SMYD3: variants seen among roughly 807,000 people sequenced by gnomAD.
The protein encoded by SMYD3 is histone-lysine N-methyltransferase SMYD3.
A neutral mutation model predicts 57.7 loss-of-function variants in SMYD3; 36 were observed. The ratio of observed to expected loss-of-function variants is 0.62; its 90% CI spans 0.48 to 0.82. The LOEUF is 0.82. SMYD3 is among the 40% of genes least tolerant of loss of function. The pLI is 0.00. For missense variants in SMYD3, 515 were observed against 538.8 expected, an observed-to-expected ratio of 0.96 and a Z score of 0.44; for synonymous variants, 211 against 195.0, an observed-to-expected ratio of 1.08 and a Z score of -0.68.
intron 1 of SMYD3, among the ~76,000 whole-genome samples, chr1:246,356,038 A>G (rs1395344871): frequency 1.3e-5 from 2 of 151,946 alleles, no homozygotes; most frequent in Non-Finnish European, 2.9e-5. Flanking sequence ...CCAACACAAA[A>G]CCAGCACACT....
intron 7 of SMYD3, among the ~76,000 whole-genome samples, chr1:245,925,806 T>C (rs562870939): frequency 6.6e-6 from 1 of 152,302 alleles, no homozygotes; most frequent in African/African-American, 2.4e-5. Flanking sequence ...AGCCATAATA[T>C]GTGCCAAAAA....
chr1:246,197,547 C>T (rs920675639), intron 5 of SMYD3, among the ~76,000 whole-genome samples: 1 of 151,740 alleles, frequency 6.6e-6, no homozygotes, highest in African/African-American at 2.4e-5. Context: ...AATACCTGAC[C>T]AATAATATTC....
chr1:246,405,412 A>G (rs1332159217), intron 1 of SMYD3, among the ~76,000 whole-genome samples: 1 of 152,170 alleles, frequency 6.6e-6, no homozygotes, highest in Non-Finnish European at 1.5e-5. Context: ...TGTGGTTAAT[A>G]GACACTAATC....
At chr1:246,418,705 C>A (rs1050088890) in intron 1 of SMYD3, among the ~76,000 whole-genome samples, 78 of 152,194 alleles carry the variant, frequency 5.1e-4, no homozygotes, top group African/African-American at 1.8e-3. Context: ...CGGAGTCGGG[C>A]GCTCGGTGAC....
In SMYD3 at chr1:246,327,445, G is replaced by C. The variant is rs907707403; in HGVS notation, c.395-108C>G. Reference sequence around the variant, plus strand: ...AACCAGATATTTCCTACCTTACATTGGATTTTGACAAAGAGCAAATACATA... The same window carrying C: ...AACCAGATATTTCCTACCTTACATTCGATTTTGACAAAGAGCAAATACATA... On this transcript the variant is annotated intron_variant, in intron 4 of 11. Coordinates refer to ENST00000490107, the MANE Select transcript of SMYD3 (RefSeq NM_001167740.2). 3.2e-6 allele frequency: 3 copies of C among 944,182 alleles called. No homozygotes were observed. In the Admixed American group the frequency reaches 8.3e-5, roughly 26 times the overall value. The allele number at this position is 944,182 out of a possible 1,614,324, so 58.5% of individuals were successfully genotyped here.
chr1:246,360,591 C>A (rs1198932748), intron 1 of SMYD3, among the ~76,000 whole-genome samples: 2 of 152,106 alleles, frequency 1.3e-5, no homozygotes, highest in African/African-American at 4.8e-5. Context: ...CAGCATAGTA[C>A]TGTTATAAAA....
intron 10 of SMYD3, 81 bp downstream of exon 10, chr1:245,858,415 C>T: frequency 7.2e-7 from 1 of 1,388,516 alleles, no homozygotes; most frequent in Non-Finnish European, 9.7e-7. Context: ...AAGTAGTAAT[C>T]AGAATGACTT....
At chr1:246,344,589 A>G (rs2065681760) in intron 2 of SMYD3, among the ~76,000 whole-genome samples, 2 of 152,220 alleles carry the variant, frequency 1.3e-5, no homozygotes, top group Admixed American at 6.5e-5. Context: ...TAGGTAAATA[A>G]CTAGGAGCAG....
At chr1:245,954,612 G>C (rs1201548903) in intron 5 of SMYD3, among the ~76,000 whole-genome samples, 3 of 151,142 alleles carry the variant, frequency 2.0e-5, no homozygotes, top group Non-Finnish European at 4.4e-5. Context: ...CAGGAAGCAG[G>C]GGTTGCAGTG....
chr1:246,192,129 C>T (rs2062748586), intron 5 of SMYD3, among the ~76,000 whole-genome samples: 1 of 152,074 alleles, frequency 6.6e-6, no homozygotes, highest in Non-Finnish European at 1.5e-5. Flanking sequence ...AACAAGGTGT[C>T]ACTCTGTCAC....
chr1:245,822,774 G>A (rs1009063558), intron 10 of SMYD3, among the ~76,000 whole-genome samples: 1 of 152,028 alleles, frequency 6.6e-6, no homozygotes, highest in Non-Finnish European at 1.5e-5. Context: ...TTTGTACTTG[G>A]CTCTCCATAG....
At chr1:245,954,419 A>C (rs2057764764) in intron 5 of SMYD3, among the ~76,000 whole-genome samples, 1 of 152,212 alleles carries the variant, frequency 6.6e-6, no homozygotes, top group African/African-American at 2.4e-5. Context: ...CACACCTGTA[A>C]TCTTAGCACT....
chr1:245,858,656 G>GA lies in SMYD3; in HGVS notation c.915dup (p.Leu306SerfsTer13). ...CTTATGATTGCCTGGCACATGGCCA[G>GA]AACCTGCTCCCACTCTGTTATTAAC... On this transcript the variant is annotated frameshift_variant, in exon 10 of 12. Coordinates refer to ENST00000490107, the MANE Select transcript of SMYD3 (RefSeq NM_001167740.2). LOFTEE classifies it high-confidence loss of function. 2 of 1,613,966 alleles carry GA rather than the reference G, an allele frequency of 1.2e-6. No homozygotes were observed. Among genetic ancestry groups the GA allele is most frequent in the Non-Finnish European group, 1.7e-6 (2 of 1,179,948 alleles).
chr1:245,915,806 C>T (rs181677538), intron 7 of SMYD3, among the ~76,000 whole-genome samples, 166 bp from the exon 8 acceptor site: 10 of 152,190 alleles, frequency 6.6e-5, no homozygotes, highest in South Asian at 4.1e-4. Context: ...AATGATCACA[C>T]GTAAATTTTT....
At position 245,755,025 on chromosome 1, in the gene SMYD3, G is replaced by T. The variant is rs576633837; in HGVS notation, c.1186-5361C>A. 3.3e-5 allele frequency among the ~76,000 whole-genome samples: 5 copies of T among 152,296 alleles called. No individual in the cohort carries two copies. In the East Asian group the frequency reaches 9.6e-4, roughly 29 times the overall value. On this transcript the variant is annotated intron_variant, in intron 11 of 11. Coordinates refer to ENST00000490107, the MANE Select transcript of SMYD3 (RefSeq NM_001167740.2). ...CCATTCCAGAAAAAGCATGGCTGTT[G>T]TATCACTGTTTAATCAATCAATCAG...
chr1:245,854,909 T>C lies in SMYD3; in HGVS notation c.1076+3587A>G, dbSNP rs554118673. 3.0e-3 allele frequency among the ~76,000 whole-genome samples: 458 copies of C among 152,360 alleles called. 1 individual carries two copies. The highest frequency in any genetic ancestry group is 4.3e-3 in the Non-Finnish European group (294 of 68,042). On this transcript the variant is annotated intron_variant, in intron 10 of 11. Coordinates refer to ENST00000490107, the MANE Select transcript of SMYD3 (RefSeq NM_001167740.2). The stretch of plus-strand genomic sequence containing the variant: ...TGATGGAACCATTGTTCATGTTTTC[T>C]GGCGAAGGTTAGGATTACTGTTTAC...
intron 5 of SMYD3, among the ~76,000 whole-genome samples, chr1:246,273,161 T>TTTTTTTTTTG (rs2064258201): frequency 7.6e-5 from 10 of 131,130 alleles, no homozygotes; most frequent in East Asian, 4.6e-4. Context: ...TTCTTTTTTT[T>TTTTTTTTTTG]GGGGGGGGGA....
chr1:245,955,063 C>T (rs1362260717), intron 5 of SMYD3, among the ~76,000 whole-genome samples: 1 of 152,188 alleles, frequency 6.6e-6, no homozygotes, highest in Non-Finnish European at 1.5e-5. Flanking sequence ...GCTTCTCTGT[C>T]ATTCCCAAGT....
chr1:246,246,732 T>C (rs2063710232), intron 5 of SMYD3, among the ~76,000 whole-genome samples: 1 of 151,872 alleles, frequency 6.6e-6, no homozygotes, highest in African/African-American at 2.4e-5. Flanking sequence ...TCATTTTACC[T>C]ATGTGGAAAC....
Sources: allele counts gnomAD v4.1 joint callset (sites outside exome capture counted in the v4.1 genomes callset), GRCh38; gene constraint gnomAD v4.1.1; transcripts MANE v1.5; gene names NCBI Gene and HGNC (gene_info 2026-07-23, HGNC 2026-07-21).